The following RYR2 variants were observed in gnomAD, a reference collection of about 807,000 sequenced individuals.
The protein encoded by RYR2 is cardiac muscle ryanodine receptor-calcium release channel.
A neutral mutation model predicts 601.1 loss-of-function variants in RYR2; 227 were observed. The ratio of observed to expected loss-of-function variants is 0.38; its 90% confidence interval spans 0.34 to 0.42. RYR2 has a LOEUF of 0.42. Among genes scored for constraint, RYR2 ranks in the 10% least tolerant of loss-of-function variants. The probability of loss-of-function intolerance (pLI) is 1.00; values close to 1 mark genes in which losing one functional copy is unlikely to be tolerated. For synonymous variants in RYR2, 2,223 were observed against 2,175.1 expected, an observed-to-expected ratio of 1.02 and a Z score of -0.61; for missense variants, 4,646 against 6,156.5, an observed-to-expected ratio of 0.75 and a Z score of 8.21.
chr1:237,121,847 T>A (rs1670818267), intron 1 of RYR2, among the ~76,000 whole-genome samples: 1 of 152,144 alleles, frequency 6.6e-6, no homozygotes, highest in Non-Finnish European at 1.5e-5. Context: ...ATATAAAAAT[T>A]TAGATGTGGT....
intron 12 of RYR2, among the ~76,000 whole-genome samples, chr1:237,432,675 A>G (rs948683236): frequency 1.3e-5 from 2 of 152,142 alleles, no homozygotes; most frequent in African/African-American, 4.8e-5. Context: ...TTTGTTTACA[A>G]CAATGCCTGA....
At chr1:237,121,952 C>T (rs113896704) in intron 1 of RYR2, among the ~76,000 whole-genome samples, 1 of 152,150 alleles carries the variant, frequency 6.6e-6, no homozygotes, top group Non-Finnish European at 1.5e-5. Context: ...TGTGGAGACA[C>T]AATTAGCTCA....
intron 1 of RYR2, among the ~76,000 whole-genome samples, chr1:237,244,623 C>G (rs1686590517): frequency 1.3e-5 from 2 of 152,196 alleles, no homozygotes; most frequent in African/African-American, 2.4e-5. Context: ...TAAAATCCAG[C>G]TCATCCATCC....
In RYR2 at chr1:237,742,355, A is replaced by G. The variant is rs1691689553; in HGVS notation, c.11145+6A>G. ...AGGAAGTGAAGAGTTTTGAAGTAAG[A>G]TGGATCTTTCTGGATTTGCCTTTCT... On this transcript the variant is annotated splice_donor_region_variant and intron_variant, in intron 80 of 104. Transcript: ENST00000366574. 1.3e-6 allele frequency: 2 copies of G among 1,561,664 alleles called. No individual in the cohort carries two copies. The highest frequency in any genetic ancestry group is 1.2e-5 in the South Asian group (1 of 85,808).
chr1:237,140,194 T>C (rs962811873), intron 1 of RYR2, among the ~76,000 whole-genome samples: 1 of 152,260 alleles, frequency 6.6e-6, no homozygotes, highest in African/African-American at 2.4e-5. Flanking sequence ...TCATATTTTA[T>C]TGTTTTATTT....
At chr1:237,064,232 C>A (rs1005360842) in intron 1 of RYR2, among the ~76,000 whole-genome samples, 35 of 151,938 alleles carry the variant, frequency 2.3e-4, no homozygotes, top group African/African-American at 8.0e-4. Flanking sequence ...ACCTTTCTAC[C>A]AGTTCATAAA....
chr1:237,569,433 G>T, intron 29 of RYR2, 114 bp downstream of exon 29: 2 of 944,854 alleles, frequency 2.1e-6, no homozygotes, highest in Non-Finnish European at 1.6e-6. Context: ...ATGAGTTGCA[G>T]CTGTAAATCG....
rs34623856 is a variant in RYR2, at chr1:237,264,091, GCA to G, written c.49-6381_49-6380del. Among the ~76,000 whole-genome samples the G allele has an allele frequency of 4.8e-3, 702 of 147,374 alleles. 6 individuals carry two copies. The highest frequency in any genetic ancestry group is 0.011 in the South Asian group (50 of 4,562). Reference sequence around the variant, plus strand: ...TAAATGTACAAACACACATGCACATGCACACACACACACACACACACACACAG... The same window carrying G: ...TAAATGTACAAACACACATGCACATGCACACACACACACACACACACACAG... On this transcript the variant is annotated intron_variant, in intron 1 of 104. Coordinates refer to ENST00000366574, the MANE Select transcript of RYR2 (RefSeq NM_001035.3).
At chr1:237,308,347 C>T (rs1265465064) in intron 2 of RYR2, among the ~76,000 whole-genome samples, 5 of 152,146 alleles carry the variant, frequency 3.3e-5, no homozygotes, top group South Asian at 2.1e-4. Flanking sequence ...CTTTCAGGAA[C>T]GTCCTACTCT....
chr1:237,800,814 C>A (rs1659868377), intron 97 of RYR2, among the ~76,000 whole-genome samples: 1 of 152,098 alleles, frequency 6.6e-6, no homozygotes, highest in Non-Finnish European at 1.5e-5. Flanking sequence ...TTTATCCATT[C>A]AACATATATG....
chr1:237,511,551 TGG>T, intron 23 of RYR2, 135 bp from the exon 24 acceptor site: 1 of 632,886 alleles, frequency 1.6e-6, no homozygotes, highest in Non-Finnish European at 2.9e-6. Context: ...TGAGAGGTTG[TGG>T]GGGCAGCTTT....
At chr1:237,473,477 C>CTTTCTTTCTTTT (rs1553464755) in intron 17 of RYR2, among the ~76,000 whole-genome samples, 1 of 145,564 alleles carries the variant, frequency 6.9e-6, no homozygotes, top group Non-Finnish European at 1.5e-5. Flanking sequence ...ATCTATCTAT[C>CTTTCTTTCTTTT]TGGCATATAT....
At chr1:237,377,924 A>T (rs74147248) in intron 8 of RYR2, among the ~76,000 whole-genome samples, 16,085 of 152,244 alleles carry the variant, frequency 0.11, 989 homozygotes, top group African/African-American at 0.16. Flanking sequence ...CATTGTTTCA[A>T]AGAGTAGGGG....
chr1:237,557,459 G>A (rs963505321), intron 27 of RYR2, among the ~76,000 whole-genome samples: 1 of 152,170 alleles, frequency 6.6e-6, no homozygotes, highest in Non-Finnish European at 1.5e-5. Flanking sequence ...GAGACACAAG[G>A]AGGATTGCAA....
intron 98 of RYR2, among the ~76,000 whole-genome samples, chr1:237,803,230 C>A (rs1210411043): frequency 6.6e-6 from 1 of 152,136 alleles, no homozygotes; most frequent in Non-Finnish European, 1.5e-5. Context: ...ACCACACATG[C>A]ACCTTTGGCC....
intron 1 of RYR2, among the ~76,000 whole-genome samples, chr1:237,107,784 T>G (rs553053049): frequency 3.9e-4 from 60 of 152,242 alleles, no homozygotes; most frequent in African/African-American, 1.4e-3. Flanking sequence ...ATTCACGGTG[T>G]CCTGCAGCCT....
intron 1 of RYR2, among the ~76,000 whole-genome samples, chr1:237,224,730 C>T (rs1684175346): frequency 6.6e-6 from 1 of 152,054 alleles, no homozygotes; most frequent in African/African-American, 2.4e-5. Context: ...TGTGGTGATA[C>T]ACACCTATAG....
intron 38 of RYR2, among the ~76,000 whole-genome samples, chr1:237,621,992 G>A (rs1679124158): frequency 6.6e-6 from 1 of 152,124 alleles, no homozygotes; most frequent in African/African-American, 2.4e-5. Context: ...TCCTGGTTAT[G>A]AGATTGTACT....
At chr1:237,787,045 T>C (rs926968701) in intron 91 of RYR2, among the ~76,000 whole-genome samples, 1 of 152,180 alleles carries the variant, frequency 6.6e-6, no homozygotes, top group Non-Finnish European at 1.5e-5. Context: ...GTTTATGTAT[T>C]AATACATATG....
Sources: gnomAD v4.1 joint callset for allele counts (sites outside exome capture counted in the v4.1 genomes callset) on GRCh38, gnomAD v4.1.1 for gene constraint, MANE v1.5 for transcripts, NCBI Gene and HGNC (gene_info 2026-07-23, HGNC 2026-07-21) for gene names.